Variants in KLHL1 observed in about 807,000 individuals in gnomAD.
The protein encoded by KLHL1 is kelch like family member 1, also known as kelch-like protein 1.
In KLHL1, 47 loss-of-function variants were observed where a neutral mutation model predicts 77.7. The ratio of observed to expected loss-of-function variants is 0.60; its 90% CI spans 0.48 to 0.77. The LOEUF (loss-of-function observed/expected upper bound fraction) is 0.77. Ranked by LOEUF, KLHL1 falls within the 30% of genes least tolerant of loss-of-function variation. The pLI is 0.00. For synonymous variants in KLHL1, 360 were observed against 325.2 expected (o/e 1.11, Z -1.15); for missense variants, 925 against 910.8 (o/e 1.02, Z -0.20).
At chr13:69,773,921 A>G (rs1317235159) in intron 7 of KLHL1, among the ~76,000 whole-genome samples, 2 of 151,670 alleles carry the variant, frequency 1.3e-5, no homozygotes, top group African/African-American at 4.8e-5. Context: ...TCAATCTAAT[A>G]TAATAAAATA....
At chr13:69,948,102 A>C (rs1369261059) in intron 3 of KLHL1, among the ~76,000 whole-genome samples, 1 of 152,088 alleles carries the variant, frequency 6.6e-6, no homozygotes, top group Non-Finnish European at 1.5e-5. Context: ...TTTCAAAAAA[A>C]AATGAAATGT....
intron 5 of KLHL1, among the ~76,000 whole-genome samples, chr13:69,874,038 A>G (rs148454876): frequency 2.4e-4 from 37 of 152,242 alleles, no homozygotes; most frequent in African/African-American, 6.7e-4. Flanking sequence ...GGCAATCTCA[A>G]TTGAGGGGTG....
chr13:69,852,709 G>T (rs1293626401), intron 5 of KLHL1, among the ~76,000 whole-genome samples: 1 of 151,842 alleles, frequency 6.6e-6, no homozygotes, highest in Non-Finnish European at 1.5e-5. Flanking sequence ...AAGTTCCTGT[G>T]AAAACATCAA....
intron 8 of KLHL1, among the ~76,000 whole-genome samples, chr13:69,739,736 T>G (rs1873907388): frequency 6.6e-6 from 1 of 152,152 alleles, no homozygotes; most frequent in African/African-American, 2.4e-5. Flanking sequence ...GAAAATAATT[T>G]AAAAGATCAG....
At chr13:69,847,142 C>T (rs866380687) in intron 5 of KLHL1, among the ~76,000 whole-genome samples, 2 of 151,316 alleles carry the variant, frequency 1.3e-5, no homozygotes, top group African/African-American at 4.8e-5. Flanking sequence ...TTTTACAATA[C>T]TATCATAAGT....
chr13:69,773,497 T>A (rs573588409), intron 7 of KLHL1, among the ~76,000 whole-genome samples: 16 of 152,138 alleles, frequency 1.1e-4, no homozygotes, highest in Admixed American at 2.6e-4. Context: ...CTATATCAAA[T>A]AGTGAGCACT....
At chr13:70,030,132 C>A (rs567471535) in intron 1 of KLHL1, among the ~76,000 whole-genome samples, 1 of 152,136 alleles carries the variant, frequency 6.6e-6, no homozygotes, top group Non-Finnish European at 1.5e-5. Context: ...TAGACTCCCA[C>A]ACAATAATAA....
chr13:69,838,894 T>C (rs1459894122), intron 6 of KLHL1, 82 bp downstream of exon 6: 3 of 845,654 alleles, frequency 3.5e-6, no homozygotes, highest in Non-Finnish European at 5.1e-6. Flanking sequence ...ATGTCATTTT[T>C]TGTAGTATCA....
intron 7 of KLHL1, among the ~76,000 whole-genome samples, chr13:69,767,345 C>A (rs1382943861): frequency 2.6e-5 from 4 of 152,034 alleles, no homozygotes. Context: ...TGCACACTAA[C>A]AAATTTTACA....
intron 7 of KLHL1, among the ~76,000 whole-genome samples, chr13:69,782,832 G>A (rs556570831): frequency 4.6e-5 from 7 of 152,338 alleles, no homozygotes; most frequent in Non-Finnish European, 1.0e-4. Flanking sequence ...CCAGCACGCA[G>A]CTGGTGATCT....
At chr13:69,854,199 G>GT (rs1197096665) in intron 5 of KLHL1, among the ~76,000 whole-genome samples, 1 of 151,968 alleles carries the variant, frequency 6.6e-6, no homozygotes, top group Non-Finnish European at 1.5e-5. Context: ...AAGAAAAGAG[G>GT]TTTATTTGGC....
At chr13:69,997,817 T>A (rs1194193010) in intron 1 of KLHL1, among the ~76,000 whole-genome samples, 1 of 149,086 alleles carries the variant, frequency 6.7e-6, no homozygotes, top group African/African-American at 2.4e-5. Flanking sequence ...TATTCTTTAT[T>A]ATATATATAT....
At chr13:69,866,558 T>C (rs1880371723) in intron 5 of KLHL1, among the ~76,000 whole-genome samples, 1 of 152,076 alleles carries the variant, frequency 6.6e-6, no homozygotes, top group Non-Finnish European at 1.5e-5. Context: ...GGAATAAATG[T>C]TTTCCAGAAA....
At chr13:70,006,921 T>C (rs150099943) in intron 1 of KLHL1, among the ~76,000 whole-genome samples, 10 of 152,196 alleles carry the variant, frequency 6.6e-5, no homozygotes, top group Admixed American at 6.6e-4. Flanking sequence ...TATGTACAAA[T>C]TATTTTTCAT....
chr13:69,785,672 G>C (rs895296691), intron 7 of KLHL1, among the ~76,000 whole-genome samples: 3 of 150,104 alleles, frequency 2.0e-5, no homozygotes, highest in Admixed American at 2.0e-4. Flanking sequence ...CAGAACTGAA[G>C]GAAATAGAGA....
At chr13:69,906,476 T>C (rs1243173366) in intron 4 of KLHL1, among the ~76,000 whole-genome samples, 1 of 152,002 alleles carries the variant, frequency 6.6e-6, no homozygotes, top group Non-Finnish European at 1.5e-5. Context: ...CAAATTAATA[T>C]TAAAATTGTT....
chr13:69,746,531 CTATT>C (rs1419182049), intron 7 of KLHL1, among the ~76,000 whole-genome samples: 4 of 152,034 alleles, frequency 2.6e-5, no homozygotes, highest in East Asian at 3.9e-4. Flanking sequence ...GTTATTTAAT[CTATT>C]TATACTCAAT....
chr13:70,044,102 C>T (rs1886439770), intron 1 of KLHL1, among the ~76,000 whole-genome samples: 1 of 152,114 alleles, frequency 6.6e-6, no homozygotes, highest in Non-Finnish European at 1.5e-5. Flanking sequence ...TTATTATGAT[C>T]CATAGAGCCC....
At chr13:70,087,442 A>C (rs1887570799) in intron 1 of KLHL1, among the ~76,000 whole-genome samples, 1 of 152,132 alleles carries the variant, frequency 6.6e-6, no homozygotes, top group Non-Finnish European at 1.5e-5. Flanking sequence ...TTACAACTAT[A>C]ATACGAACAA....
Sources: allele counts gnomAD v4.1 joint callset (sites outside exome capture counted in the v4.1 genomes callset), GRCh38; gene constraint gnomAD v4.1.1; transcripts MANE v1.5; gene names NCBI Gene and HGNC (gene_info 2026-07-23, HGNC 2026-07-21).